The following NR3C1 variants were observed in gnomAD, a reference collection of about 807,000 sequenced individuals.
NR3C1 encodes glucocorticoid receptor.
NR3C1 carries 14 observed loss-of-function variants against 74.0 expected under a neutral mutation model. The observed-to-expected ratio is 0.19, with a 90% CI of 0.12 to 0.30. The LOEUF (loss-of-function observed/expected upper bound fraction) is 0.30. Ranked by LOEUF, NR3C1 falls within the 10% of genes least tolerant of loss-of-function variation. The pLI is 1.00. For missense variants in NR3C1, 695 were observed against 909.8 expected (o/e 0.76, Z 3.04); for synonymous variants, 308 against 332.5 (o/e 0.93, Z 0.80).
intron 1 of NR3C1, among the ~76,000 whole-genome samples, chr5:143,408,835 G>C (rs1841201243): frequency 6.6e-6 from 1 of 152,078 alleles, no homozygotes; most frequent in Admixed American, 6.5e-5. Context: ...TTTTCGTGCA[G>C]ATTTCTAAAT....
chr5:143,418,216 TAACTC>T (rs1392889445), intron 1 of NR3C1, among the ~76,000 whole-genome samples: 1 of 152,226 alleles, frequency 6.6e-6, no homozygotes, highest in Admixed American at 6.5e-5. Flanking sequence ...TGTCATGTGT[TAACTC>T]ATAAAGCCAT....
At chr5:143,385,810 GTCT>G (rs374231827) in intron 2 of NR3C1, among the ~76,000 whole-genome samples, 26 of 152,246 alleles carry the variant, frequency 1.7e-4, no homozygotes, top group African/African-American at 5.8e-4. Flanking sequence ...TCATCTTCCT[GTCT>G]TCTTCTGAGT....
chr5:143,339,760 T>A (rs1000038888), intron 2 of NR3C1, among the ~76,000 whole-genome samples: 3 of 152,146 alleles, frequency 2.0e-5, no homozygotes, highest in Non-Finnish European at 4.4e-5. Context: ...CAGACACAGC[T>A]GAGAGTAGAA....
upstream of NR3C1, chr5:143,405,050 T>C: frequency 1.1e-6 from 1 of 891,188 alleles, no homozygotes; most frequent in Non-Finnish European, 1.3e-6. Flanking sequence ...GAGAGGGCCG[T>C]GGGGCGAGGG....
intron 1 of NR3C1, among the ~76,000 whole-genome samples, chr5:143,434,364 G>T (rs1163735302): frequency 6.6e-6 from 1 of 152,120 alleles, no homozygotes. Context: ...TTTAGATAAA[G>T]CCCACAAAAA....
intron 7 of NR3C1, among the ~76,000 whole-genome samples, chr5:143,292,846 T>C (rs1419930553): frequency 1.3e-5 from 2 of 152,202 alleles, no homozygotes; most frequent in African/African-American, 4.8e-5. Flanking sequence ...TCTGTATTTG[T>C]CTATTCTTCT....
chr5:143,424,482 T>C (rs995104517), intron 1 of NR3C1, among the ~76,000 whole-genome samples: 4 of 152,106 alleles, frequency 2.6e-5, no homozygotes, highest in Non-Finnish European at 4.4e-5. Context: ...ATGTACCCTT[T>C]ACATATCTGT....
chr5:143,400,994 T>C (rs1840164795), intron 1 of NR3C1, 142 bp from the exon 2 acceptor site: 1 of 724,992 alleles, frequency 1.4e-6, no homozygotes, highest in Admixed American at 2.1e-5. Flanking sequence ...ACCAGAAGAG[T>C]AGTTTCTATC....
intron 7 of NR3C1, among the ~76,000 whole-genome samples, chr5:143,286,826 T>G: frequency 6.6e-6 from 1 of 150,612 alleles, no homozygotes; most frequent in East Asian, 1.9e-4. Context: ...CAAGCACTCA[T>G]GGAACACTCA....
chr5:143,345,860 C>T (rs1829190255), intron 2 of NR3C1, among the ~76,000 whole-genome samples: 1 of 152,048 alleles, frequency 6.6e-6, no homozygotes, highest in Non-Finnish European at 1.5e-5. Context: ...GTTTTTGTGA[C>T]CAGAAATATG....
intron 1 of NR3C1, among the ~76,000 whole-genome samples, chr5:143,415,802 T>G (rs1841457518): frequency 6.6e-6 from 1 of 152,224 alleles, no homozygotes; most frequent in Non-Finnish European, 1.5e-5. Flanking sequence ...GCAACAATTA[T>G]CAAGCACCCA....
chr5:143,293,913 A>T (rs1327969411), intron 7 of NR3C1: 1 of 983,414 alleles, frequency 1.0e-6, no homozygotes, highest in African/African-American at 1.8e-5. Flanking sequence ...CCAGGCACTG[A>T]ATTATACCTT....
At chr5:143,325,760 G>A in intron 2 of NR3C1, among the ~76,000 whole-genome samples, 1 of 152,128 alleles carries the variant, frequency 6.6e-6, no homozygotes. Flanking sequence ...TACACTAGGG[G>A]TTTTGGAACC....
chr5:143,417,344 C>G (rs1157179192), intron 1 of NR3C1, among the ~76,000 whole-genome samples: 2 of 152,096 alleles, frequency 1.3e-5, no homozygotes, highest in Non-Finnish European at 2.9e-5. Flanking sequence ...TTATACTTCT[C>G]TCTCTCATCA....
intron 2 of NR3C1, among the ~76,000 whole-genome samples, chr5:143,391,423 G>T (rs1214137327): frequency 6.6e-6 from 1 of 151,990 alleles, no homozygotes; most frequent in African/African-American, 2.4e-5. Context: ...TTCAATAAAT[G>T]TAATAAATGT....
chr5:143,321,870 C>T (rs1473064659), intron 2 of NR3C1, among the ~76,000 whole-genome samples: 2 of 152,174 alleles, frequency 1.3e-5, no homozygotes, highest in Non-Finnish European at 2.9e-5. Context: ...TCCTATGTTA[C>T]CTTTTGATGT....
At chr5:143,380,099 A>C (rs1835911889) in intron 2 of NR3C1, among the ~76,000 whole-genome samples, 1 of 152,226 alleles carries the variant, frequency 6.6e-6, no homozygotes. Flanking sequence ...AGATACAACA[A>C]ACATAGCTAC....
intron 2 of NR3C1, among the ~76,000 whole-genome samples, chr5:143,362,554 G>A (rs897439132): frequency 4.0e-4 from 61 of 151,734 alleles, no homozygotes; most frequent in African/African-American, 1.4e-3. Flanking sequence ...GTAGAGACAG[G>A]GTTTCACCGT....
intron 7 of NR3C1, among the ~76,000 whole-genome samples, chr5:143,288,420 G>A (rs1815063029): frequency 6.6e-6 from 1 of 151,976 alleles, no homozygotes; most frequent in South Asian, 2.1e-4. Flanking sequence ...CGCCCGGCCA[G>A]AAATTGGAAA....
Sources: allele counts gnomAD v4.1 joint callset (sites outside exome capture counted in the v4.1 genomes callset), GRCh38; gene constraint gnomAD v4.1.1; transcripts MANE v1.5; gene names NCBI Gene and HGNC (gene_info 2026-07-23, HGNC 2026-07-21).